SSH1: variants seen among roughly 807,000 people sequenced by gnomAD.
SSH1 encodes the protein slingshot protein phosphatase 1.
SSH1 carries 43 observed loss-of-function variants against 79.7 expected under a neutral mutation model. That is an observed-to-expected ratio of 0.54 (90% CI 0.42 to 0.70). The LOEUF (loss-of-function observed/expected upper bound fraction) is 0.70. Ranked by LOEUF, SSH1 falls within the 30% of genes least tolerant of loss-of-function variation. SSH1 has a pLI of 0.00. For missense variants in SSH1, 1,206 were observed against 1,358.8 expected, an observed-to-expected ratio of 0.89 and a Z score of 1.77; for synonymous variants, 599 against 538.3, an observed-to-expected ratio of 1.11 and a Z score of -1.56.
chr12:108,810,148 G>A (rs1055048512), intron 6 of SSH1, among the ~76,000 whole-genome samples: 4 of 151,078 alleles, frequency 2.6e-5, no homozygotes, highest in African/African-American at 4.9e-5. Flanking sequence ...AGGATTGCAC[G>A]GAAAATAATC....
chr12:108,804,768 G>A (rs1039554441), intron 10 of SSH1, among the ~76,000 whole-genome samples: 3 of 152,212 alleles, frequency 2.0e-5, no homozygotes, highest in African/African-American at 7.2e-5. Context: ...AAGACAAAGG[G>A]TTTGCAAGAG....
chr12:108,796,727 T>C lies in SSH1; in HGVS notation c.1349+2273A>G, dbSNP rs115221910. ...GATATATTTCCACAAGTGGAATTGC[T>C]AGATGATATAATTTTATTCCTTTTT... On this transcript the variant is annotated intron_variant, in intron 13 of 14. Transcript: ENST00000326495. Among the ~76,000 whole-genome samples the C allele has an allele frequency of 8.4e-3, 1,273 of 152,266 alleles. 21 individuals are homozygous for C. Among genetic ancestry groups the C allele is most frequent in the African/African-American group, 0.03 (1,228 of 41,548 alleles).
At chr12:108,804,542 C>T (rs1212871257) in intron 10 of SSH1, among the ~76,000 whole-genome samples, 1 of 152,212 alleles carries the variant, frequency 6.6e-6, no homozygotes, top group African/African-American at 2.4e-5. Flanking sequence ...GGGCTTCCAG[C>T]GGCCCTGGAG....
rs1009009633 is a variant in SSH1, at chr12:108,811,420, T to C, written c.402-92A>G. On this transcript the variant is annotated intron_variant, in intron 5 of 14. Coordinates refer to ENST00000326495, the MANE Select transcript of SSH1 (RefSeq NM_018984.4). Reference sequence around the variant, plus strand: ...TCACCACCTGGTCCAGGACGGGCTGTTGGACGTACGTGTGGGAGTAGGCTG... The same window carrying C: ...TCACCACCTGGTCCAGGACGGGCTGCTGGACGTACGTGTGGGAGTAGGCTG... 4 of 1,153,608 alleles carry C rather than the reference T, an allele frequency of 3.5e-6. No individual in the cohort carries two copies. The African/African-American group carries it at 4.5e-5, about 13-fold the overall frequency. The allele number at this position is 1,153,608 out of a possible 1,614,324, so 71.5% of individuals were successfully genotyped here.
At chr12:108,796,634 C>T (rs1049182518) in intron 13 of SSH1, among the ~76,000 whole-genome samples, 19 of 152,096 alleles carry the variant, frequency 1.2e-4, no homozygotes, top group Admixed American at 1.2e-3. Flanking sequence ...TTTTGGCTAT[C>T]GTGGATAATG....
chr12:108,801,068 C>T (rs2036981178), intron 11 of SSH1, 142 bp from the exon 12 acceptor site: 2 of 791,148 alleles, frequency 2.5e-6, no homozygotes, highest in East Asian at 4.9e-5. Context: ...TTGGTTTTTC[C>T]TTAATAGCTA....
At chr12:108,822,435 A>G (rs1265022159) in intron 3 of SSH1, among the ~76,000 whole-genome samples, 4 of 151,466 alleles carry the variant, frequency 2.6e-5, no homozygotes, top group South Asian at 4.2e-4. Flanking sequence ...GTGCCTGGCC[A>G]TAAGTGTGTT....
At chr12:108,808,014 T>C (rs2037373387) in intron 7 of SSH1, among the ~76,000 whole-genome samples, 187 bp from the exon 8 acceptor site, 1 of 152,194 alleles carries the variant, frequency 6.6e-6, no homozygotes, top group African/African-American at 2.4e-5. Flanking sequence ...CTCGGCCCAA[T>C]GCAATCTCCG....
At chr12:108,796,098 T>G (rs981216030) in intron 13 of SSH1, among the ~76,000 whole-genome samples, 1 of 151,986 alleles carries the variant, frequency 6.6e-6, no homozygotes, top group Non-Finnish European at 1.5e-5. Context: ...GTATTTTTAG[T>G]AGAGACGGGG....
At chr12:108,846,473 G>A (rs1014028920) in intron 2 of SSH1, among the ~76,000 whole-genome samples, 7 of 152,194 alleles carry the variant, frequency 4.6e-5, no homozygotes, top group African/African-American at 1.4e-4. Context: ...CCCACAGTCT[G>A]AACGGCACAG....
At chr12:108,830,947 A>G (rs1216100408) in intron 2 of SSH1, among the ~76,000 whole-genome samples, 1 of 152,122 alleles carries the variant, frequency 6.6e-6, no homozygotes, top group Non-Finnish European at 1.5e-5. Flanking sequence ...GACCAACCTC[A>G]GATCAGACCT....
At chr12:108,846,132 G>A (rs2038894804) in intron 2 of SSH1, among the ~76,000 whole-genome samples, 2 of 152,154 alleles carry the variant, frequency 1.3e-5, no homozygotes, top group South Asian at 4.1e-4. Flanking sequence ...GAAAGGCAGA[G>A]GAGTCAGGGA....
intron 10 of SSH1, 136 bp downstream of exon 10, chr12:108,804,920 C>CT (rs1163962486): frequency 2.8e-6 from 3 of 1,068,014 alleles, no homozygotes; most frequent in South Asian, 1.5e-5. Flanking sequence ...AGGGGAGCTC[C>CT]TGCCAGCCAG....
chr12:108,798,216 A>G (rs1386910295), intron 13 of SSH1, among the ~76,000 whole-genome samples: 2 of 152,266 alleles, frequency 1.3e-5, no homozygotes, highest in African/African-American at 4.8e-5. Context: ...AAAAGGGGTC[A>G]AGAAAATATA....
rs2036130900 is a variant in SSH1 at position 108,779,875 on chromosome 12, ATG to A, written c.*8111_*8112del. 2 of 152,110 alleles carry A rather than the reference ATG, an allele frequency of 1.3e-5. No homozygotes were observed. The highest frequency in any genetic ancestry group is 4.8e-5 in the African/African-American group (2 of 41,416). 9.4% of individuals were successfully genotyped at this position (152,110 alleles called of 1,614,324 possible). On this transcript the variant is annotated 3_prime_UTR_variant, in exon 15 of 15. Coordinates refer to ENST00000326495, the MANE Select transcript of SSH1 (RefSeq NM_018984.4). ...TTTTTAGTTGAGACGGCGTTTCACCATGTGAGCCAGGCTGGTCTTGAGCTTCT... is the reference window on the plus strand; with the variant it reads ...TTTTTAGTTGAGACGGCGTTTCACCATGAGCCAGGCTGGTCTTGAGCTTCT...
In SSH1 at chr12:108,792,439, C is replaced by T; in HGVS notation, c.1740G>A (p.Arg580=). 6.2e-7 allele frequency: 1 copy of T among 1,614,220 alleles called. No individual in the cohort carries two copies. The highest frequency in any genetic ancestry group is 1.1e-5 in the South Asian group (1 of 91,080). ...CCTCCACCTGCAGCAAGGAGCCGCTCCGACCTTTGGGACTCCCAAACTCTA... is the reference window on the plus strand; with the variant it reads ...CCTCCACCTGCAGCAAGGAGCCGCTTCGACCTTTGGGACTCCCAAACTCTA... ...KKLEFGSPKG[R]SGSLLQVEET... Residue 580 remains arginine, a synonymous_variant, in exon 14 of 15, where the codon CGG becomes CGA. Transcript: ENST00000326495.
chr12:108,788,839 G>C lies in SSH1; in HGVS notation c.2299C>G (p.Pro767Ala), dbSNP rs2036379948. The change falls in exon 15 of 15, where the codon CCC (proline) becomes GCC (alanine). Residue 767 changes from proline to alanine, a missense_variant. Transcript: ENST00000326495. Reference sequence around the variant, plus strand: ...TCCTTTATTACCACTTCTGTGCTGGGAGGGTTCTTATCACAGTGAGAATTC... The same window carrying C: ...TCCTTTATTACCACTTCTGTGCTGGCAGGGTTCTTATCACAGTGAGAATTC... ...LKNSHCDKNP[P>A]STEVVIKEES... The C allele has an allele frequency of 1.2e-6, 2 of 1,614,216 alleles. No individual in the cohort carries two copies. Among genetic ancestry groups the C allele is most frequent in the African/African-American group, 2.7e-5 (2 of 75,048 alleles).
At chr12:108,802,246 T>C in intron 11 of SSH1, 76 bp downstream of exon 11, 1 of 1,400,010 alleles carries the variant, frequency 7.1e-7, no homozygotes, top group East Asian at 2.3e-5. Context: ...AGCCCCAAGG[T>C]CTCCCCCTCC....
chr12:108,822,066 CTTTTT>C (rs2038143254), intron 3 of SSH1, among the ~76,000 whole-genome samples: 1 of 152,138 alleles, frequency 6.6e-6, no homozygotes. Flanking sequence ...CTCTTTCTTT[CTTTTT>C]GAGATAGGGT....
Sources: allele counts gnomAD v4.1 joint callset (sites outside exome capture counted in the v4.1 genomes callset), GRCh38; gene constraint gnomAD v4.1.1; transcripts MANE v1.5; gene names NCBI Gene and HGNC (gene_info 2026-07-23, HGNC 2026-07-21).